PTPRN2: variants seen among roughly 807,000 people sequenced by gnomAD.
PTPRN2 encodes receptor-type tyrosine-protein phosphatase N2.
A neutral mutation model predicts 118.8 loss-of-function variants in PTPRN2; 74 were observed. The observed-to-expected ratio is 0.62, with a 90% CI of 0.52 to 0.76. The LOEUF (loss-of-function observed/expected upper bound fraction) is 0.76. Among genes scored for constraint, PTPRN2 ranks in the 30% least tolerant of loss-of-function variants. PTPRN2 has a pLI of 0.00. For missense variants in PTPRN2, 1,481 were observed against 1,394.4 expected (o/e 1.06, Z -0.99); for synonymous variants, 641 against 608.0 (o/e 1.05, Z -0.80).
In PTPRN2 at chr7:157,993,029, C is replaced by T. The variant is rs377626390; in HGVS notation, c.1723+88269G>A. Among the ~76,000 whole-genome samples, 38 of 152,334 alleles carry T rather than the reference C, an allele frequency of 2.5e-4. 1 individual carries two copies. Among genetic ancestry groups the T allele is most frequent in the African/African-American group, 8.9e-4 (37 of 41,586 alleles). ...AGGTGTTCCCTTATGACGGAGCCCA[C>T]GGGGTCTGCCCAGGTCACAGTCCCC... is the stretch of plus-strand genomic sequence containing the variant. On this transcript the variant is annotated intron_variant, in intron 11 of 22. Coordinates refer to ENST00000389418, the MANE Select transcript of PTPRN2 (RefSeq NM_002847.5).
chr7:157,746,878 G>C (rs1427138353), intron 12 of PTPRN2, among the ~76,000 whole-genome samples: 2 of 152,202 alleles, frequency 1.3e-5, no homozygotes, highest in African/African-American at 2.4e-5. Flanking sequence ...TCTGAGGCCT[G>C]TGTCCCTGAG....
rs1821013098 is a variant in PTPRN2, at chr7:158,151,091, AAACCGCCCGCCTTTCTGCTCCTACC to A, written c.911-12601_911-12577del. On this transcript the variant is annotated intron_variant, in intron 6 of 22. Coordinates refer to ENST00000389418, the MANE Select transcript of PTPRN2 (RefSeq NM_002847.5). ...TTTCCACTCTTGCCCCTGCCTGCCC[AAACCGCCCGCCTTTCTGCTCCTACC>A]CCTGCCCACACCGCCCGCCTTTCTA... Among the ~76,000 whole-genome samples the A allele has an allele frequency of 2.4e-4, 2 of 8,246 alleles. 1 individual carries two copies. Among genetic ancestry groups the A allele is most frequent in the Non-Finnish European group, 6.4e-4 (2 of 3,118 alleles). The allele number at this position is 8,246 out of a possible 152,430, so 5.4% of individuals were successfully genotyped here.
intron 5 of PTPRN2, among the ~76,000 whole-genome samples, chr7:158,171,068 T>TATATACACACATATA (rs558867267): frequency 8.7e-5 from 6 of 69,132 alleles, no homozygotes; most frequent in South Asian, 4.6e-4. Flanking sequence ...TATATACACA[T>TATATACACACATATA]TATATACACA....
intron 1 of PTPRN2, among the ~76,000 whole-genome samples, chr7:158,512,937 A>G (rs1170289724): frequency 6.6e-6 from 1 of 152,250 alleles, no homozygotes; most frequent in Non-Finnish European, 1.5e-5. Flanking sequence ...AGTGTTGAAT[A>G]AATAAATGGG....
intron 2 of PTPRN2, among the ~76,000 whole-genome samples, chr7:158,374,635 C>T (rs907825727): frequency 3.9e-5 from 6 of 152,168 alleles, no homozygotes. Flanking sequence ...AATGGAACTC[C>T]CCTCAAAACA....
At chr7:157,549,153 C>A in intron 21 of PTPRN2, 134 bp from the exon 22 acceptor site, 1 of 837,572 alleles carries the variant, frequency 1.2e-6, no homozygotes, top group East Asian at 2.5e-5. Flanking sequence ...CCTCAGCCGG[C>A]TGGCAGGCGG....
intron 10 of PTPRN2, among the ~76,000 whole-genome samples, chr7:158,084,587 C>T (rs1026832534): frequency 2.6e-5 from 4 of 152,008 alleles, no homozygotes; most frequent in Admixed American, 1.3e-4. Context: ...AAGTACTGCA[C>T]CTAATATTAC....
Position 157,569,649 on chromosome 7 carries a change from A to T in PTPRN2, c.2838-683T>A, listed in dbSNP as rs535767159. On this transcript the variant is annotated intron_variant, in intron 20 of 22. Coordinates refer to ENST00000389418, the MANE Select transcript of PTPRN2 (RefSeq NM_002847.5). ...ACTTCAACAGTAGCAAAGGAAAAAA[A>T]ATTTCCCTTTTTTTCTGGAAGAAGA... Among the ~76,000 whole-genome samples, 41 of 152,362 alleles carry T rather than the reference A, an allele frequency of 2.7e-4. 2 individuals are homozygous for T. The South Asian group carries it at 8.5e-3, about 32-fold the overall frequency.
intron 10 of PTPRN2, among the ~76,000 whole-genome samples, chr7:158,094,945 C>T (rs778257663): frequency 2.6e-5 from 4 of 152,270 alleles, no homozygotes; most frequent in East Asian, 3.9e-4. Context: ...TGCTAACTCC[C>T]GAAGGCAACT....
intron 11 of PTPRN2, among the ~76,000 whole-genome samples, chr7:158,004,945 T>C (rs934618292): frequency 6.6e-6 from 1 of 152,156 alleles, no homozygotes; most frequent in African/African-American, 2.4e-5. Context: ...TGCTAATAGA[T>C]ACATAAACAG....
intron 3 of PTPRN2, among the ~76,000 whole-genome samples, chr7:158,274,918 G>A (rs1001564488): frequency 1.3e-5 from 2 of 152,154 alleles, no homozygotes; most frequent in African/African-American, 2.4e-5. Flanking sequence ...ATAAGATCTC[G>A]ACAAAGACCA....
chr7:158,252,563 C>T (rs1563041574), intron 3 of PTPRN2, among the ~76,000 whole-genome samples: 2 of 152,104 alleles, frequency 1.3e-5, no homozygotes, highest in Admixed American at 1.3e-4. Context: ...ACAAGAGACA[C>T]GTTTCTCCAA....
At chr7:158,400,594 A>T (rs996431169) in intron 2 of PTPRN2, among the ~76,000 whole-genome samples, 1 of 152,164 alleles carries the variant, frequency 6.6e-6, no homozygotes. Context: ...GCGCTTTGTC[A>T]TCTCAGCTAC....
intron 12 of PTPRN2, among the ~76,000 whole-genome samples, chr7:157,783,857 G>A (rs1410512243): frequency 6.6e-6 from 1 of 152,068 alleles, no homozygotes; most frequent in Non-Finnish European, 1.5e-5. Context: ...CTTGAACACT[G>A]CCCTGTTTTC....
At chr7:157,888,338 G>C (rs1027433846) in intron 12 of PTPRN2, among the ~76,000 whole-genome samples, 30 of 152,104 alleles carry the variant, frequency 2.0e-4, no homozygotes, top group Non-Finnish European at 5.9e-5. Flanking sequence ...GACACCTCAG[G>C]CTTTTTAGAT....
At chr7:158,443,172 G>A (rs1185489810) in intron 2 of PTPRN2, among the ~76,000 whole-genome samples, 2 of 152,166 alleles carry the variant, frequency 1.3e-5, no homozygotes, top group Non-Finnish European at 2.9e-5. Flanking sequence ...CACTGGGCGA[G>A]CGGGTCTTTG....
intron 1 of PTPRN2, among the ~76,000 whole-genome samples, chr7:158,535,862 T>A (rs533701616): frequency 1.5e-4 from 23 of 151,156 alleles, no homozygotes; most frequent in African/African-American, 5.4e-4. Context: ...ATAAAATGTC[T>A]AAGTTTTCCA....
chr7:158,079,272 C>T (rs1262478300), intron 11 of PTPRN2, among the ~76,000 whole-genome samples: 2 of 152,336 alleles, frequency 1.3e-5, no homozygotes, highest in East Asian at 3.9e-4. Flanking sequence ...TTCTGACTCA[C>T]ACAGCCACAG....
chr7:157,982,099 CG>C (rs1563295622), intron 11 of PTPRN2, among the ~76,000 whole-genome samples: 1 of 140,172 alleles, frequency 7.1e-6, no homozygotes, highest in Non-Finnish European at 1.6e-5. Flanking sequence ...CTCTAAACCC[CG>C]AGTCACAGAG....
Sources: allele counts gnomAD v4.1 joint callset (sites outside exome capture counted in the v4.1 genomes callset), GRCh38; gene constraint gnomAD v4.1.1; transcripts MANE v1.5; gene names NCBI Gene and HGNC (gene_info 2026-07-23, HGNC 2026-07-21).